The following CAMK2D variants were observed in gnomAD, a reference collection of about 807,000 sequenced individuals.
The protein encoded by CAMK2D is calcium/calmodulin-dependent protein kinase type II subunit delta.
A neutral mutation model predicts 84.0 loss-of-function variants in CAMK2D; 37 were observed. The ratio of observed to expected loss-of-function variants is 0.44; its 90% CI spans 0.34 to 0.58. The LOEUF (loss-of-function observed/expected upper bound fraction) is 0.58, where lower values mean the gene tolerates loss of function less well. Among genes scored for constraint, CAMK2D ranks in the 20% least tolerant of loss-of-function variants. The pLI is 0.02. For missense variants in CAMK2D, 448 were observed against 652.5 expected (o/e 0.69, Z 3.41); for synonymous variants, 202 against 212.5 (o/e 0.95, Z 0.43).
At chr4:113,689,519 C>T (rs2099376839) in intron 2 of CAMK2D, among the ~76,000 whole-genome samples, 1 of 152,180 alleles carries the variant, frequency 6.6e-6, no homozygotes, top group African/African-American at 2.4e-5. Context: ...ATTCTACTTT[C>T]CCTTTTGTTC....
intron 16 of CAMK2D, among the ~76,000 whole-genome samples, chr4:113,483,969 A>T (rs1459738879): frequency 6.6e-6 from 1 of 152,198 alleles, no homozygotes; most frequent in Non-Finnish European, 1.5e-5. Flanking sequence ...AAACAGAGTC[A>T]CTTTATGGAT....
chr4:113,644,418 G>A (rs1480594575), intron 3 of CAMK2D, among the ~76,000 whole-genome samples: 1 of 152,170 alleles, frequency 6.6e-6, no homozygotes, highest in Non-Finnish European at 1.5e-5. Context: ...CAAGGAAAAT[G>A]AATAAAGGGA....
In CAMK2D at chr4:113,761,173, TCTTA is replaced by T. The variant is rs1321282068; in HGVS notation, c.-109_-106del. 17 of 1,589,160 alleles carry T rather than the reference TCTTA, an allele frequency of 1.1e-5. No homozygotes were observed. The East Asian group carries it at 3.6e-4, about 34-fold the overall frequency. On this transcript the variant is annotated 5_prime_UTR_variant, in exon 1 of 21. Coordinates refer to ENST00000511664, the MANE Select transcript of CAMK2D (RefSeq NM_001321571.2). ...CCGCGGCGCTGTCACCCAGGGCCGC[TCTTA>T]CTTTCCTGGTCCGAAAGTAGCTCGC...
chr4:113,722,499 G>A (rs2099533652), intron 2 of CAMK2D, among the ~76,000 whole-genome samples: 1 of 152,076 alleles, frequency 6.6e-6, no homozygotes, highest in Non-Finnish European at 1.5e-5. Context: ...TACTTATAAA[G>A]ACAATATTAA....
At chr4:113,677,009 A>T (rs2099321051) in intron 2 of CAMK2D, among the ~76,000 whole-genome samples, 1 of 152,184 alleles carries the variant, frequency 6.6e-6, no homozygotes, top group South Asian at 2.1e-4. Flanking sequence ...AAAAAACCCT[A>T]AAGGCGAAGA....
At chr4:113,742,819 A>G (rs529716678) in intron 2 of CAMK2D, among the ~76,000 whole-genome samples, 1 of 152,346 alleles carries the variant, frequency 6.6e-6, no homozygotes, top group Non-Finnish European at 1.5e-5. Context: ...TATGACATCC[A>G]GGATGAACCA....
chr4:113,535,131 A>G (rs1438937799), intron 7 of CAMK2D, among the ~76,000 whole-genome samples: 1 of 151,958 alleles, frequency 6.6e-6, no homozygotes. Flanking sequence ...ATCTTTACCA[A>G]TTTCTGGCAA....
chr4:113,561,949 A>G (rs919699613), intron 4 of CAMK2D, among the ~76,000 whole-genome samples: 6 of 152,208 alleles, frequency 3.9e-5, no homozygotes. Flanking sequence ...CTGGAATATT[A>G]CCAAATGGTT....
intron 18 of CAMK2D, among the ~76,000 whole-genome samples, chr4:113,458,015 G>C (rs1313271362): frequency 6.6e-6 from 1 of 152,152 alleles, no homozygotes; most frequent in Non-Finnish European, 1.5e-5. Context: ...GAAGTATGTG[G>C]GAGAAGGGAA....
chr4:113,754,239 C>T (rs921575853), intron 2 of CAMK2D: 20 of 975,356 alleles, frequency 2.1e-5, no homozygotes, highest in Non-Finnish European at 2.4e-5. Context: ...TAAAACACTG[C>T]ATACATTACA....
chr4:113,474,099 T>C (rs2097576707), intron 16 of CAMK2D, among the ~76,000 whole-genome samples: 2 of 152,230 alleles, frequency 1.3e-5, no homozygotes, highest in Admixed American at 1.3e-4. Context: ...TGGGTAACTA[T>C]TCTGCCACCC....
intron 2 of CAMK2D, among the ~76,000 whole-genome samples, chr4:113,664,707 G>GA (rs1010800294): frequency 2.7e-5 from 4 of 149,830 alleles, no homozygotes; most frequent in East Asian, 1.9e-4. Flanking sequence ...CAATTGGTTA[G>GA]AAAAAAAAAC....
intron 6 of CAMK2D, among the ~76,000 whole-genome samples, chr4:113,545,620 C>T (rs1229493857): frequency 6.6e-6 from 1 of 152,162 alleles, no homozygotes; most frequent in African/African-American, 2.4e-5. Flanking sequence ...GGTTCATCAA[C>T]TGCCTCTAAT....
chr4:113,484,753 C>A (rs113988947), intron 16 of CAMK2D, among the ~76,000 whole-genome samples: 3,481 of 152,146 alleles, frequency 0.023, 70 homozygotes, highest in Middle Eastern at 0.075. Flanking sequence ...TCTTTGGGGG[C>A]TCTTTACAAA....
intron 12 of CAMK2D, among the ~76,000 whole-genome samples, chr4:113,510,879 T>G (rs976394341): frequency 1.3e-5 from 2 of 152,188 alleles, no homozygotes; most frequent in African/African-American, 4.8e-5. Flanking sequence ...GCTATTAATT[T>G]ATTATTAATT....
At chr4:113,714,762 T>A (rs1241824675) in intron 2 of CAMK2D, among the ~76,000 whole-genome samples, 3 of 152,130 alleles carry the variant, frequency 2.0e-5, no homozygotes, top group Non-Finnish European at 2.9e-5. Context: ...TTTCTTTGGG[T>A]CTCCATTTTT....
chr4:113,498,306 C>A (rs746059812), intron 16 of CAMK2D, among the ~76,000 whole-genome samples: 1 of 152,176 alleles, frequency 6.6e-6, no homozygotes, highest in Non-Finnish European at 1.5e-5. Flanking sequence ...ACCATTTTAT[C>A]TACCACTTGT....
chr4:113,561,373 C>G (rs2098698020), intron 4 of CAMK2D, among the ~76,000 whole-genome samples: 1 of 152,092 alleles, frequency 6.6e-6, no homozygotes, highest in South Asian at 2.1e-4. Context: ...ACTCAAGAGG[C>G]TTAGGGAGAA....
At chr4:113,593,828 TGA>T (rs2098907369) in intron 4 of CAMK2D, among the ~76,000 whole-genome samples, 1 of 152,144 alleles carries the variant, frequency 6.6e-6, no homozygotes, top group South Asian at 2.1e-4. Context: ...ATGAAAAGAC[TGA>T]GATCTAAATA....
Sources: allele counts gnomAD v4.1 joint callset (sites outside exome capture counted in the v4.1 genomes callset), GRCh38; gene constraint gnomAD v4.1.1; transcripts MANE v1.5; gene names NCBI Gene and HGNC (gene_info 2026-07-23, HGNC 2026-07-21).